The following SCIN variants were observed in gnomAD, a reference collection of about 807,000 sequenced individuals.
The protein encoded by SCIN is scinderin.
Under a neutral mutation model 91.8 loss-of-function variants are expected in SCIN, and 91 were observed. The ratio of observed to expected loss-of-function variants is 0.99; its 90% CI spans 0.84 to 1.18. The LOEUF is 1.18. Among genes scored for constraint, SCIN ranks in the 50% most tolerant of loss-of-function variants. The pLI, the probability that SCIN is intolerant of heterozygous loss-of-function variation, is 0.00. For missense variants in SCIN, 1,087 were observed against 863.9 expected (o/e 1.26, Z -3.24); for synonymous variants, 367 against 312.6 (o/e 1.17, Z -1.84).
At chr7:12,605,750 A>G (rs1479856816) in intron 4 of SCIN, among the ~76,000 whole-genome samples, 1 of 152,198 alleles carries the variant, frequency 6.6e-6, no homozygotes, top group Non-Finnish European at 1.5e-5. Flanking sequence ...TATTTCGTTA[A>G]AGGAATTAAA....
intron 10 of SCIN, among the ~76,000 whole-genome samples, chr7:12,637,287 CA>C: frequency 6.6e-6 from 1 of 152,190 alleles, no homozygotes. Flanking sequence ...CTTACACTCT[CA>C]AATCGTAAAC....
At chr7:12,621,008 C>T (rs1290151143) in intron 4 of SCIN, among the ~76,000 whole-genome samples, 1 of 152,054 alleles carries the variant, frequency 6.6e-6, no homozygotes, top group Non-Finnish European at 1.5e-5. Flanking sequence ...GAGCTAAATG[C>T]CAATCGCGTG....
At chr7:12,620,144 T>G (rs1783378244) in intron 4 of SCIN, among the ~76,000 whole-genome samples, 1 of 152,022 alleles carries the variant, frequency 6.6e-6, no homozygotes, top group Non-Finnish European at 1.5e-5. Context: ...AAGTATAAGT[T>G]GTGAAATGAT....
intron 9 of SCIN, among the ~76,000 whole-genome samples, chr7:12,631,287 G>A (rs548484922): frequency 7.9e-5 from 12 of 152,120 alleles, no homozygotes; most frequent in African/African-American, 2.4e-4. Flanking sequence ...ACTATAACCC[G>A]TGCCTTCAGG....
chr7:12,650,855 G>T (rs1784064755), intron 14 of SCIN, among the ~76,000 whole-genome samples: 2 of 152,064 alleles, frequency 1.3e-5, no homozygotes, highest in Admixed American at 1.3e-4. Context: ...TTAAATCAAA[G>T]GTTCCTAGAG....
intron 3 of SCIN, among the ~76,000 whole-genome samples, chr7:12,589,227 T>C (rs1782663392): frequency 6.7e-6 from 1 of 149,132 alleles, no homozygotes. Flanking sequence ...TTTTTTTTTT[T>C]TTTTTTTGAG....
At chr7:12,618,262 G>A (rs10268008) in intron 4 of SCIN, among the ~76,000 whole-genome samples, 1,661 of 152,188 alleles carry the variant, frequency 0.011, 36 homozygotes, top group African/African-American at 0.037. Flanking sequence ...AGCTACAAAT[G>A]GCTAGTGAGA....
chr7:12,606,758 T>A (rs986349444), intron 4 of SCIN, among the ~76,000 whole-genome samples: 1 of 152,188 alleles, frequency 6.6e-6, no homozygotes, highest in African/African-American at 2.4e-5. Context: ...GTCTTTGTTA[T>A]AATTAACATA....
At chr7:12,576,599 C>CTA (rs1235862815) in intron 1 of SCIN, among the ~76,000 whole-genome samples, 1 of 152,170 alleles carries the variant, frequency 6.6e-6, no homozygotes, top group Non-Finnish European at 1.5e-5. Flanking sequence ...TACCTTGTCA[C>CTA]TATAAAATTG....
chr7:12,655,313 AC>A lies in SCIN; in HGVS notation c.*2601del, dbSNP rs1462558520. On this transcript the variant is annotated 3_prime_UTR_variant, in exon 16 of 16. Transcript: ENST00000297029. ...ATATGATAAATCAACTGTATCTAGT[AC>A]CCAAAACAGATGAGTAACTTAGAAA... 2.6e-5 allele frequency: 4 copies of A among 152,350 alleles called. No homozygotes were observed. The East Asian group carries it at 7.7e-4, about 29-fold the overall frequency. The allele number at this position is 152,350 out of a possible 1,614,324, so 9.4% of individuals were successfully genotyped here. A position where few individuals can be genotyped will look rare whatever the true frequency, so the allele number is the denominator to read the frequency against.
chr7:12,643,901 C>T (rs949981641), intron 11 of SCIN, among the ~76,000 whole-genome samples: 2 of 152,156 alleles, frequency 1.3e-5, no homozygotes, highest in African/African-American at 2.4e-5. Flanking sequence ...GTCATATGGT[C>T]AGACAGTTCT....
At chr7:12,598,631 G>A (rs762445346) in intron 3 of SCIN, among the ~76,000 whole-genome samples, 20 of 152,198 alleles carry the variant, frequency 1.3e-4, no homozygotes, top group Non-Finnish European at 2.5e-4. Context: ...AGTGGCTCAT[G>A]CCTGTAACCC....
At chr7:12,585,606 C>T (rs917551341) in intron 3 of SCIN, among the ~76,000 whole-genome samples, 6 of 152,122 alleles carry the variant, frequency 3.9e-5, no homozygotes, top group African/African-American at 1.4e-4. Flanking sequence ...CTCTAATTGT[C>T]TTTATCTTAT....
At chr7:12,643,309 C>T (rs1031526421) in intron 11 of SCIN, among the ~76,000 whole-genome samples, 4 of 152,196 alleles carry the variant, frequency 2.6e-5, no homozygotes, top group African/African-American at 9.6e-5. Context: ...ATTTCCTGAT[C>T]TCACACCAGT....
rs114896313 is a variant in SCIN, at chr7:12,577,328, A to T, written c.200-736A>T. ...AACCACTTATTTAATTATGGCTCTG[A>T]TGCTCATATTTCTCACAAACATCAG... On this transcript the variant is annotated intron_variant, in intron 1 of 15. Coordinates refer to ENST00000297029, the MANE Select transcript of SCIN (RefSeq NM_001112706.3). Among the ~76,000 whole-genome samples the T allele has an allele frequency of 4.0e-4, 61 of 152,320 alleles. 1 individual carries two copies. The highest frequency in any genetic ancestry group is 1.4e-3 in the African/African-American group (60 of 41,580).
Position 12,656,286 on chromosome 7 carries a change from A to T in SCIN, c.*3571A>T, listed in dbSNP as rs1784160845. ...CTCCAAAGCTATATACTGTGAATTT[A>T]TACTGTTGTGTAGTGACACAAGCCC... On this transcript the variant is annotated 3_prime_UTR_variant, in exon 16 of 16. Transcript: ENST00000297029. 1 of 152,232 alleles carries T rather than the reference A, an allele frequency of 6.6e-6. No homozygotes were observed. The highest frequency in any genetic ancestry group is 2.4e-5 in the African/African-American group (1 of 41,450). 9.4% of individuals were successfully genotyped at this position (152,232 alleles called of 1,614,324 possible). A position where few individuals can be genotyped will look rare whatever the true frequency, so the allele number is the denominator to read the frequency against.
rs886734475 is a variant in SCIN, at chr7:12,570,809, A to T, written c.23A>T (p.Glu8Val). 1 of 1,551,350 alleles carries T rather than the reference A, an allele frequency of 6.4e-7. No homozygotes were observed. The highest frequency in any genetic ancestry group is 8.7e-7 in the Non-Finnish European group (1 of 1,146,910). Residue 8 changes from glutamate to valine, a missense_variant, in exon 1 of 16, where the codon GAA (glutamate) becomes GTA (valine). Coordinates refer to ENST00000297029, the MANE Select transcript of SCIN (RefSeq NM_001112706.3). MARELYHEEFARAGKQAG... is the reference protein window; with the variant it reads MARELYHVEFARAGKQAG... ...GCCATGGCGCGGGAGCTATACCACG[A>T]AGAGTTCGCCCGGGCGGGCAAGCAG...
intron 1 of SCIN, chr7:12,577,704 G>C (rs1319946712): frequency 7.3e-6 from 3 of 411,714 alleles, no homozygotes; most frequent in African/African-American, 6.2e-5. Context: ...ACTTTTTTGA[G>C]AATTAGCAAA....
chr7:12,615,240 T>A (rs113457136), intron 4 of SCIN, among the ~76,000 whole-genome samples: 1,608 of 152,302 alleles, frequency 0.011, 25 homozygotes, highest in African/African-American at 0.037. Context: ...GGACTGGTGA[T>A]ATGGTTTGGC....
Sources: gnomAD v4.1 joint callset for allele counts (sites outside exome capture counted in the v4.1 genomes callset) on GRCh38, gnomAD v4.1.1 for gene constraint, MANE v1.5 for transcripts, NCBI Gene and HGNC (gene_info 2026-07-23, HGNC 2026-07-21) for gene names.